RIGI: variants seen among roughly 807,000 people sequenced by gnomAD.
The protein encoded by RIGI is antiviral innate immune response receptor RIG-I.
the RIGI span, among the ~76,000 whole-genome samples, chr9:32,490,332 G>A: frequency 6.6e-6 from 1 of 152,194 alleles, no homozygotes; most frequent in African/African-American, 2.4e-5. Flanking sequence ...TTGTGCCACT[G>A]CACGCCAGCC....
chr9:32,496,394 G>C, the RIGI span, among the ~76,000 whole-genome samples: 1 of 152,158 alleles, frequency 6.6e-6, no homozygotes, highest in Non-Finnish European at 1.5e-5. Flanking sequence ...GAATCAGACT[G>C]AATAAAGAAA....
At chr9:32,461,756 G>A in the RIGI span, among the ~76,000 whole-genome samples, 2 of 151,674 alleles carry the variant, frequency 1.3e-5, no homozygotes, top group South Asian at 4.2e-4. Flanking sequence ...CATTCATTAG[G>A]GATTGCCTTA....
chr9:32,520,900 C>A, the RIGI span, among the ~76,000 whole-genome samples: 14,896 of 151,328 alleles, frequency 0.098, 941 homozygotes, highest in Middle Eastern at 0.27. Context: ...AATCCCAGCA[C>A]TTTGGGAGGC....
the RIGI span, among the ~76,000 whole-genome samples, chr9:32,487,183 A>C: frequency 6.6e-6 from 1 of 152,220 alleles, no homozygotes; most frequent in African/African-American, 2.4e-5. Flanking sequence ...TCTGATGCCT[A>C]AATTCTCTCA....
the RIGI span, among the ~76,000 whole-genome samples, chr9:32,524,604 T>G: frequency 8.1e-6 from 1 of 123,950 alleles, no homozygotes; most frequent in African/African-American, 3.2e-5. Flanking sequence ...CGGTTTTTTT[T>G]TTTTTTTTTT....
At chr9:32,495,470 G>C in the RIGI span, among the ~76,000 whole-genome samples, 3 of 151,956 alleles carry the variant, frequency 2.0e-5, no homozygotes, top group East Asian at 5.9e-4. Context: ...CAAAGTGCTG[G>C]GATTACAGGC....
At chr9:32,491,860 C>T in the RIGI span, among the ~76,000 whole-genome samples, 1 of 152,068 alleles carries the variant, frequency 6.6e-6, no homozygotes, top group African/African-American at 2.4e-5. Context: ...AAGCTAAGAC[C>T]AGATATTCAG....
the RIGI span, chr9:32,477,258 ACT>A: frequency 1.9e-6 from 2 of 1,078,164 alleles, no homozygotes; most frequent in Non-Finnish European, 2.6e-6. Context: ...AGTAGTAAGT[ACT>A]GTTTTAAATT....
chr9:32,500,309 G>A, the RIGI span, among the ~76,000 whole-genome samples: 2 of 152,198 alleles, frequency 1.3e-5, no homozygotes, highest in African/African-American at 4.8e-5. Context: ...ACAGATCAAT[G>A]TAGGGAGAAC....
At chr9:32,505,277 T>C in the RIGI span, among the ~76,000 whole-genome samples, 1 of 151,484 alleles carries the variant, frequency 6.6e-6, no homozygotes, top group African/African-American at 2.4e-5. Flanking sequence ...ATAAGAAAAA[T>C]GTAAATCAAC....
chr9:32,489,475 T>G, the RIGI span: 1 of 1,477,446 alleles, frequency 6.8e-7, no homozygotes, highest in Non-Finnish European at 9.5e-7. Flanking sequence ...GGAGCAAAAT[T>G]ACCAAACAGT....
the RIGI span, chr9:32,480,322 A>C: frequency 6.2e-7 from 1 of 1,607,882 alleles, no homozygotes; most frequent in African/African-American, 1.3e-5. Context: ...TCATTCGTGC[A>C]TGCTCACTGA....
the RIGI span, chr9:32,467,967 C>T: frequency 1.3e-6 from 2 of 1,511,482 alleles, no homozygotes; most frequent in Non-Finnish European, 1.8e-6. Context: ...TACAACTCAC[C>T]AAAGAGGGAA....
At chr9:32,501,272 C>A in the RIGI span, among the ~76,000 whole-genome samples, 2 of 147,368 alleles carry the variant, frequency 1.4e-5, no homozygotes, top group Non-Finnish European at 3.0e-5. Flanking sequence ...CCTCCTCCCT[C>A]AGCCTCTCAA....
At chr9:32,478,403 A>G in the RIGI span, among the ~76,000 whole-genome samples, 1 of 152,034 alleles carries the variant, frequency 6.6e-6, no homozygotes, top group African/African-American at 2.4e-5. Flanking sequence ...AGTTACACCT[A>G]TTGTTATCTA....
chr9:32,481,329 G>A, the RIGI span: 159 of 1,608,330 alleles, frequency 9.9e-5, no homozygotes, highest in African/African-American at 2.0e-3. Context: ...CTCTTAAAAA[G>A]AGGAACGTAC....
At chr9:32,526,095 G>A in the RIGI span, 2 of 1,613,984 alleles carry the variant, frequency 1.2e-6, no homozygotes, top group South Asian at 1.1e-5. Flanking sequence ...AGCTCAGGAT[G>A]TAGGTAGGGT....
chr9:32,515,352 C>A, the RIGI span, among the ~76,000 whole-genome samples: 1 of 143,600 alleles, frequency 7.0e-6, no homozygotes, highest in African/African-American at 2.5e-5. Context: ...GTTTGTTTTT[C>A]CTGAATGTTT....
At chr9:32,503,079 A>G in the RIGI span, among the ~76,000 whole-genome samples, 1 of 152,000 alleles carries the variant, frequency 6.6e-6, no homozygotes, top group East Asian at 1.9e-4. Context: ...TGGACCCACA[A>G]TCCTACCGTA....
Sources: allele counts gnomAD v4.1 joint callset (sites outside exome capture counted in the v4.1 genomes callset), GRCh38; gene constraint gnomAD v4.1.1; transcripts MANE v1.5; gene names NCBI Gene and HGNC (gene_info 2026-07-23, HGNC 2026-07-21).